The following LIPC variants were observed in gnomAD, a reference collection of about 807,000 sequenced individuals.
LIPC encodes the protein lipase C, hepatic type, also known as hepatic triacylglycerol lipase.
In LIPC, 44 loss-of-function variants were observed where a neutral mutation model predicts 50.7. The ratio of observed to expected loss-of-function variants is 0.87; its 90% confidence interval spans 0.68 to 1.11. The LOEUF is 1.11. Among genes scored for constraint, LIPC ranks in the 50% most tolerant of loss-of-function variants. The pLI is 0.00. For synonymous variants in LIPC, 271 were observed against 256.4 expected, an observed-to-expected ratio of 1.06 and a Z score of -0.54; for missense variants, 697 against 648.2, an observed-to-expected ratio of 1.08 and a Z score of -0.82.
chr15:58,435,469 A>C (rs1893262070), intron 1 of LIPC: 2 of 145,340 alleles, frequency 1.4e-5, no homozygotes, highest in African/African-American at 5.0e-5. Flanking sequence ...ATTTACAGTC[A>C]AATGGGGTGG....
intron 6 of LIPC, 79 bp from the exon 7 acceptor site, chr15:58,560,785 T>G (rs777297386): frequency 1.4e-6 from 1 of 723,624 alleles, no homozygotes. Context: ...ATGTTTAAAT[T>G]TTAAGAAATA....
chr15:58,485,440 C>A (rs1004345888), intron 1 of LIPC, among the ~76,000 whole-genome samples: 4 of 152,272 alleles, frequency 2.6e-5, no homozygotes, highest in African/African-American at 9.6e-5. Context: ...GAAGAAAGTC[C>A]CGTGCAACAG....
chr15:58,474,594 C>T (rs1210938015), intron 1 of LIPC, among the ~76,000 whole-genome samples: 1 of 151,776 alleles, frequency 6.6e-6, no homozygotes, highest in Non-Finnish European at 1.5e-5. Flanking sequence ...AATTTATCAG[C>T]ATTTTGTAGA....
At chr15:58,469,821 G>A (rs1364124251) in intron 1 of LIPC, among the ~76,000 whole-genome samples, 13 of 152,122 alleles carry the variant, frequency 8.5e-5, no homozygotes, top group African/African-American at 2.7e-4. Flanking sequence ...TGGAACAATG[G>A]CTAGGACCTC....
chr15:58,471,811 A>G (rs1343525467), intron 1 of LIPC, among the ~76,000 whole-genome samples: 1 of 152,144 alleles, frequency 6.6e-6, no homozygotes, highest in East Asian at 1.9e-4. Context: ...TCCTCACCCA[A>G]TCACAACTGC....
intron 1 of LIPC, among the ~76,000 whole-genome samples, chr15:58,445,356 G>A (rs1893656949): frequency 6.6e-6 from 1 of 152,236 alleles, no homozygotes; most frequent in Non-Finnish European, 1.5e-5. Context: ...CTCCCATACA[G>A]GCTGGCTTCA....
At chr15:58,485,826 A>G (rs1891355464) in intron 1 of LIPC, among the ~76,000 whole-genome samples, 1 of 152,236 alleles carries the variant, frequency 6.6e-6, no homozygotes, top group African/African-American at 2.4e-5. Context: ...CCTTCTTCTC[A>G]AAGGCATTGA....
intron 2 of LIPC, among the ~76,000 whole-genome samples, chr15:58,541,503 C>A (rs549510889): frequency 5.3e-5 from 8 of 151,214 alleles, no homozygotes; most frequent in African/African-American, 1.9e-4. Flanking sequence ...CGGGGGGGAA[C>A]GTTTGGAAAA....
intron 1 of LIPC, among the ~76,000 whole-genome samples, chr15:58,491,237 A>G (rs1432447014): frequency 6.6e-6 from 1 of 152,142 alleles, no homozygotes; most frequent in African/African-American, 2.4e-5. Flanking sequence ...GCACCTGCCA[A>G]ACACAATAGG....
intron 1 of LIPC, among the ~76,000 whole-genome samples, chr15:58,463,944 T>C (rs1417931410): frequency 6.6e-6 from 1 of 152,202 alleles, no homozygotes; most frequent in Non-Finnish European, 1.5e-5. Context: ...TTTTAACAGA[T>C]AGTTACATTG....
intron 1 of LIPC, among the ~76,000 whole-genome samples, chr15:58,491,871 G>A (rs758638708): frequency 2.6e-5 from 4 of 152,200 alleles, no homozygotes; most frequent in South Asian, 2.1e-4. Context: ...TGCCTGCCAC[G>A]TGATTCCTAT....
rs909862561 is a variant in LIPC, at chr15:58,563,661, G to T, written c.1326G>T (p.Gly442=). 8.1e-6 allele frequency: 13 copies of T among 1,613,976 alleles called. No individual in the cohort carries two copies. The South Asian group carries it at 1.4e-4, about 18-fold the overall frequency. ...AGACCATCATCCCATGGAGCACAGG[G>T]CCGCGCCACTCAGGCCTCGTTCTGA... ...TVQTIIPWST[G]PRHSGLVLKT... Residue 442 remains glycine (G), a synonymous_variant, in exon 8 of 9, where the codon GGG becomes GGT. Transcript: ENST00000299022.
At chr15:58,476,321 C>T (rs1406268372) in intron 1 of LIPC, among the ~76,000 whole-genome samples, 4 of 152,246 alleles carry the variant, frequency 2.6e-5, no homozygotes, top group Non-Finnish European at 5.9e-5. Context: ...AGGGGAAACA[C>T]ATGGGACTAG....
chr15:58,476,495 C>T, intron 1 of LIPC, among the ~76,000 whole-genome samples: 1 of 152,246 alleles, frequency 6.6e-6, no homozygotes, highest in East Asian at 1.9e-4. Context: ...AGTCAGTCCC[C>T]TCCTGCATGC....
At chr15:58,464,361 T>A (rs1257512859) in intron 1 of LIPC, among the ~76,000 whole-genome samples, 1 of 152,232 alleles carries the variant, frequency 6.6e-6, no homozygotes, top group East Asian at 1.9e-4. Context: ...CCTATCTGCA[T>A]GGTTAATCCA....
chr15:58,474,338 GA>G (rs1890908950), intron 1 of LIPC, among the ~76,000 whole-genome samples: 1 of 152,130 alleles, frequency 6.6e-6, no homozygotes, highest in Non-Finnish European at 1.5e-5. Flanking sequence ...GCAATATAAA[GA>G]GACCCCATCT....
At chr15:58,490,707 C>G (rs1180532322) in intron 1 of LIPC, among the ~76,000 whole-genome samples, 1 of 152,220 alleles carries the variant, frequency 6.6e-6, no homozygotes, top group African/African-American at 2.4e-5. Flanking sequence ...ATCTCCAGCT[C>G]TCTGAACCCG....
At position 58,563,572 on chromosome 15, in the gene LIPC, C is replaced by A; in HGVS notation, c.1237C>A (p.Leu413Met). ...LITLDVDIGELIMIKFKWENS... is the reference protein window; with the variant it reads ...LITLDVDIGEMIMIKFKWENS... Reference sequence around the variant, plus strand: ...CACGCTGGATGTGGATATCGGCGAGCTGATCATGATCAAGTTCAAGTGGGA... The same window carrying A: ...CACGCTGGATGTGGATATCGGCGAGATGATCATGATCAAGTTCAAGTGGGA... Residue 413 changes from leucine (L) to methionine (M), a missense_variant, in exon 8 of 9, where the codon CTG (leucine) becomes ATG (methionine). Coordinates refer to ENST00000299022, the MANE Select transcript of LIPC (RefSeq NM_000236.3). 6.2e-7 allele frequency: 1 copy of A among 1,614,164 alleles called. No individual in the cohort carries two copies. The highest frequency in any genetic ancestry group is 2.2e-5 in the East Asian group (1 of 44,884).
chr15:58,521,480 A>G (rs1375795911), intron 1 of LIPC: 1 of 152,108 alleles, frequency 6.6e-6, no homozygotes, highest in Admixed American at 6.6e-5. Context: ...GTGTAGGAAG[A>G]GGAGAGAGGT....
Sources: gnomAD v4.1 joint callset for allele counts (sites outside exome capture counted in the v4.1 genomes callset) on GRCh38, gnomAD v4.1.1 for gene constraint, MANE v1.5 for transcripts, NCBI Gene and HGNC (gene_info 2026-07-23, HGNC 2026-07-21) for gene names.